PCBP3: variants seen among roughly 807,000 people sequenced by gnomAD.
PCBP3 encodes poly(rC)-binding protein 3.
A neutral mutation model predicts 52.7 loss-of-function variants in PCBP3; 25 were observed. The observed-to-expected ratio is 0.47, with a 90% CI of 0.35 to 0.66. The LOEUF (loss-of-function observed/expected upper bound fraction) is 0.66, where lower values mean the gene tolerates loss of function less well. Ranked by LOEUF, PCBP3 falls within the 30% of genes least tolerant of loss-of-function variation. The pLI, the probability that PCBP3 is intolerant of heterozygous loss-of-function variation, is 0.01. For synonymous variants in PCBP3, 162 were observed against 183.0 expected (o/e 0.89, Z 0.93); for missense variants, 391 against 490.3 (o/e 0.80, Z 1.91).
chr21:45,789,129 A>G (rs1245400146), intron 4 of PCBP3, among the ~76,000 whole-genome samples: 1 of 152,242 alleles, frequency 6.6e-6, no homozygotes, highest in Non-Finnish European at 1.5e-5. Context: ...TGCTCAGCAG[A>G]TCAAGGAAGG....
At chr21:45,753,335 T>C (rs2087723838) in intron 3 of PCBP3, among the ~76,000 whole-genome samples, 1 of 152,046 alleles carries the variant, frequency 6.6e-6, no homozygotes, top group Non-Finnish European at 1.5e-5. Context: ...AATCTTTATG[T>C]AATGTAGTCT....
intron 5 of PCBP3, chr21:45,858,508 G>T (rs1212533944): frequency 6.6e-6 from 1 of 152,280 alleles, no homozygotes. Context: ...GGCCCAGAGG[G>T]CATTTCCGTG....
Position 45,911,017 on chromosome 21 carries a change from TG to T in PCBP3, c.589del (p.Val197SerfsTer45). The T allele has an allele frequency of 1.2e-6, 2 of 1,610,644 alleles. No homozygotes were observed. The highest frequency in any genetic ancestry group is 1.7e-6 in the Non-Finnish European group (2 of 1,179,948). On this transcript the variant is annotated frameshift_variant, in exon 11 of 18. Transcript: ENST00000681687. LOFTEE classifies it high-confidence loss of function. Reference protein sequence around the residue: ...AIIQCVKQICVVMLESPPKGA... With the variant: ...AIIQCVKQICXVMLESPPKGA... ...ATCCAGTGCGTCAAGCAGATCTGTG[TG>T]GTCATGCTGGAGGTACCGTCTGCGC... is the stretch of plus-strand genomic sequence containing the variant.
At chr21:45,863,412 TC>T (rs2094582062) in intron 5 of PCBP3, among the ~76,000 whole-genome samples, 2 of 152,224 alleles carry the variant, frequency 1.3e-5, no homozygotes. Context: ...CCCTTCCTAT[TC>T]CAGGGGCTTA....
intron 5 of PCBP3, among the ~76,000 whole-genome samples, chr21:45,851,306 AG>A (rs1389873502): frequency 6.6e-6 from 1 of 152,178 alleles, no homozygotes; most frequent in African/African-American, 2.4e-5. Flanking sequence ...AGAGGTCAGG[AG>A]TTTGAGACCA....
In PCBP3 at chr21:45,805,189, C is replaced by T. The variant is rs2092452517; in HGVS notation, c.-125-44772C>T. Among the ~76,000 whole-genome samples, 1 of 152,180 alleles carries T rather than the reference C, an allele frequency of 6.6e-6. No homozygotes were observed. The highest frequency in any genetic ancestry group is 1.5e-5 in the Non-Finnish European group (1 of 68,030). On this transcript the variant is annotated intron_variant, in intron 4 of 17. Transcript: ENST00000681687. This position sits in a 1 kb window ranked among gnomAD's most constrained non-coding sequence, Gnocchi z 4.6. ...CCGGGCACTATGCCACAGCCACACC[C>T]CTGTGGCCTGGCCCCCATGGCAGGG... is the stretch of plus-strand genomic sequence containing the variant.
At chr21:45,695,467 G>A (rs2082714658) in intron 2 of PCBP3, among the ~76,000 whole-genome samples, 1 of 152,186 alleles carries the variant, frequency 6.6e-6, no homozygotes, top group East Asian at 1.9e-4. Context: ...AAGTACCTCA[G>A]TGAGTTTCTC....
intron 6 of PCBP3, among the ~76,000 whole-genome samples, chr21:45,898,214 G>A (rs565884287): frequency 6.6e-6 from 1 of 152,306 alleles, no homozygotes; most frequent in South Asian, 2.1e-4. Context: ...CCACCCAGCT[G>A]CACTCTGTGG....
At chr21:45,710,376 A>G (rs1006132626) in intron 2 of PCBP3, among the ~76,000 whole-genome samples, 2 of 152,024 alleles carry the variant, frequency 1.3e-5, no homozygotes, top group African/African-American at 2.4e-5. Flanking sequence ...TCATTGTTCA[A>G]TTCCCACCTA....
chr21:45,870,827 A>G (rs1272827177), intron 5 of PCBP3: 1 of 152,416 alleles, frequency 6.6e-6, no homozygotes, highest in Non-Finnish European at 1.5e-5. Flanking sequence ...TTCCCACCAC[A>G]CTCATCCTGT....
chr21:45,892,200 G>A (rs57529523), intron 5 of PCBP3, among the ~76,000 whole-genome samples: 22,929 of 152,066 alleles, frequency 0.15, 1,854 homozygotes, highest in Middle Eastern at 0.29. Flanking sequence ...TGGACGACGG[G>A]CAGTGCCTGC....
intron 5 of PCBP3, chr21:45,869,177 G>A (rs930357631): frequency 3.9e-5 from 6 of 152,216 alleles, no homozygotes; most frequent in Non-Finnish European, 7.3e-5. Context: ...ATTAGATGAG[G>A]CAGGCTGATG....
Position 45,822,730 on chromosome 21 carries a change from C to T in PCBP3, c.-125-27231C>T, listed in dbSNP as rs546946297. ...CAGGGTTAGGTGCACGAGGGGCAGA[C>T]CTGGCACAGGACACACCCATCTTGG... On this transcript the variant is annotated intron_variant, in intron 4 of 17. Transcript: ENST00000681687. Among the ~76,000 whole-genome samples the T allele has an allele frequency of 9.4e-5, 14 of 149,046 alleles. No individual in the cohort carries two copies. In the East Asian group the frequency reaches 2.7e-3, roughly 29 times the overall value.
intron 5 of PCBP3, among the ~76,000 whole-genome samples, chr21:45,863,375 G>C (rs1014549707): frequency 6.6e-6 from 1 of 152,232 alleles, no homozygotes; most frequent in Non-Finnish European, 1.5e-5. Context: ...ATTAATGCTG[G>C]GTCCTGGGGT....
chr21:45,773,164 C>T (rs143693926), intron 4 of PCBP3, among the ~76,000 whole-genome samples: 96 of 152,146 alleles, frequency 6.3e-4, no homozygotes, highest in Admixed American at 1.4e-3. Flanking sequence ...GACCAATGTC[C>T]GGGAGAGTTT....
intron 11 of PCBP3, among the ~76,000 whole-genome samples, chr21:45,912,473 A>G (rs1291539640): frequency 6.6e-6 from 1 of 152,160 alleles, no homozygotes; most frequent in Non-Finnish European, 1.5e-5. Context: ...GGTAGTGGGC[A>G]TGCCTCACCT....
At chr21:45,730,577 A>G (rs565127849) in intron 2 of PCBP3, among the ~76,000 whole-genome samples, 20 of 152,292 alleles carry the variant, frequency 1.3e-4, no homozygotes, top group African/African-American at 2.6e-4. Flanking sequence ...TGAGTCTCCT[A>G]TATCCCGTAC....
rs773020402 is a variant in PCBP3 at position 45,669,805 on chromosome 21, GTATATATATATATA to G, written c.-200+881_-200+894del. Among the ~76,000 whole-genome samples, 66 of 49,714 alleles carry G rather than the reference GTATATATATATATA, an allele frequency of 1.3e-3. 1 individual carries two copies. The highest frequency in any genetic ancestry group is 2.1e-3 in the African/African-American group (27 of 12,884). 32.6% of individuals were successfully genotyped at this position (49,714 alleles called of 152,430 possible). ...TATTCCATTGTGTGTGTGTGTGTGT[GTATATATATATATA>G]TATATATATATATATATATATATAT... On this transcript the variant is annotated intron_variant, in intron 2 of 17. Transcript: ENST00000681687.
chr21:45,761,303 C>G (rs2088633372), intron 4 of PCBP3: 2 of 152,216 alleles, frequency 1.3e-5, no homozygotes, highest in African/African-American at 2.4e-5. Context: ...TCTTTCCGCT[C>G]CATGGTCATT....
Sources: allele counts gnomAD v4.1 joint callset (sites outside exome capture counted in the v4.1 genomes callset), GRCh38; gene constraint gnomAD v4.1.1; non-coding constraint Gnocchi (gnomAD v3.1); transcripts MANE v1.5; gene names NCBI Gene and HGNC (gene_info 2026-07-23, HGNC 2026-07-21).